The following SEMA6D variants were observed in gnomAD, a reference collection of about 807,000 sequenced individuals.
SEMA6D encodes the protein semaphorin-6D.
Under a neutral mutation model 106.6 loss-of-function variants are expected in SEMA6D, and 35 were observed. The observed-to-expected ratio is 0.33, with a 90% CI of 0.25 to 0.44. The LOEUF (loss-of-function observed/expected upper bound fraction) is 0.44. SEMA6D is among the 20% of genes least tolerant of loss of function. SEMA6D has a pLI of 1.00. For synonymous variants in SEMA6D, 499 were observed against 487.7 expected, an observed-to-expected ratio of 1.02 and a Z score of -0.31; for missense variants, 1,185 against 1,345.9, an observed-to-expected ratio of 0.88 and a Z score of 1.87.
chr15:47,434,509 T>C (rs1456907480), intron 2 of SEMA6D, among the ~76,000 whole-genome samples: 1 of 152,110 alleles, frequency 6.6e-6, no homozygotes, highest in Non-Finnish European at 1.5e-5. Context: ...AGTTTTCTGC[T>C]GTTTTCCTTA....
At chr15:47,574,691 G>A (rs2076125708) in intron 3 of SEMA6D, among the ~76,000 whole-genome samples, 1 of 152,064 alleles carries the variant, frequency 6.6e-6, no homozygotes, top group African/African-American at 2.4e-5. Flanking sequence ...CTACTTATTT[G>A]TGCCATAATA....
At chr15:47,738,454 A>T (rs924954953) in intron 1 of SEMA6D, among the ~76,000 whole-genome samples, 1 of 152,204 alleles carries the variant, frequency 6.6e-6, no homozygotes, top group Non-Finnish European at 1.5e-5. Flanking sequence ...AGTACTAAGA[A>T]GCCTGACTTT....
intron 4 of SEMA6D, among the ~76,000 whole-genome samples, chr15:47,680,859 T>C (rs1203044331): frequency 6.6e-6 from 1 of 152,124 alleles, no homozygotes; most frequent in Non-Finnish European, 1.5e-5. Flanking sequence ...CACTAATAAT[T>C]GGGGAAATGC....
intron 3 of SEMA6D, among the ~76,000 whole-genome samples, chr15:47,513,880 G>C (rs891639600): frequency 1.3e-5 from 2 of 152,168 alleles, no homozygotes; most frequent in African/African-American, 4.8e-5. Context: ...ATAAATGTTT[G>C]TTCTGCCACC....
chr15:47,575,515 C>G (rs919672893), intron 3 of SEMA6D, among the ~76,000 whole-genome samples: 6 of 152,036 alleles, frequency 3.9e-5, no homozygotes, highest in African/African-American at 1.5e-4. Flanking sequence ...GTCAGGAGAT[C>G]GAGACCATCC....
At chr15:47,670,282 A>T (rs2078113036) in intron 4 of SEMA6D, among the ~76,000 whole-genome samples, 1 of 152,186 alleles carries the variant, frequency 6.6e-6, no homozygotes, top group African/African-American at 2.4e-5. Flanking sequence ...ATGAATAGTA[A>T]TGTGTTCTTC....
intron 1 of SEMA6D, among the ~76,000 whole-genome samples, chr15:47,411,081 T>C (rs914933860): frequency 6.6e-6 from 1 of 152,024 alleles, no homozygotes; most frequent in East Asian, 1.9e-4. Flanking sequence ...AGATGATTCC[T>C]TAGCTGAGTT....
intron 4 of SEMA6D, among the ~76,000 whole-genome samples, chr15:47,705,198 G>A (rs2078891060): frequency 6.6e-6 from 1 of 152,058 alleles, no homozygotes; most frequent in Non-Finnish European, 1.5e-5. Context: ...GGAGAGAGGG[G>A]GACACTAACT....
intron 1 of SEMA6D, among the ~76,000 whole-genome samples, chr15:47,288,138 A>G (rs1484381430): frequency 6.6e-6 from 1 of 152,222 alleles, no homozygotes; most frequent in Non-Finnish European, 1.5e-5. Context: ...TGATCCAAAC[A>G]CTTTTACATT....
chr15:47,209,258 A>G (rs1895322241), intron 1 of SEMA6D, among the ~76,000 whole-genome samples: 1 of 152,198 alleles, frequency 6.6e-6, no homozygotes. Context: ...TTCTTTTTTT[A>G]TCTACTTAGA....
At chr15:47,207,505 A>G (rs1895153511) in intron 1 of SEMA6D, among the ~76,000 whole-genome samples, 1 of 152,212 alleles carries the variant, frequency 6.6e-6, no homozygotes, top group Non-Finnish European at 1.5e-5. Flanking sequence ...GTAAATATTA[A>G]CTGAGAACCT....
intron 1 of SEMA6D, among the ~76,000 whole-genome samples, chr15:47,361,268 C>T (rs1214600781): frequency 2.0e-5 from 3 of 152,162 alleles, no homozygotes; most frequent in Non-Finnish European, 4.4e-5. Flanking sequence ...CTGATAACGC[C>T]ATGGTTTCAT....
chr15:47,767,314 G>A, intron 17 of SEMA6D: 1 of 395,172 alleles, frequency 2.5e-6, no homozygotes. Flanking sequence ...CATCCTTTAA[G>A]AAAATTCAAA....
At chr15:47,351,855 A>G (rs1265108371) in intron 1 of SEMA6D, among the ~76,000 whole-genome samples, 1 of 152,216 alleles carries the variant, frequency 6.6e-6, no homozygotes, top group African/African-American at 2.4e-5. Flanking sequence ...CTGATATGGA[A>G]GATTTCTTGA....
chr15:47,441,197 C>T (rs145034199), intron 2 of SEMA6D, among the ~76,000 whole-genome samples: 4 of 152,176 alleles, frequency 2.6e-5, no homozygotes, highest in Non-Finnish European at 5.9e-5. Flanking sequence ...ACCTGTCCTT[C>T]CAGACAAGTG....
chr15:47,405,646 G>C (rs150283384), intron 1 of SEMA6D, among the ~76,000 whole-genome samples: 3 of 152,062 alleles, frequency 2.0e-5, no homozygotes. Context: ...TCTGCTTCTC[G>C]TGTTGCCTGA....
At chr15:47,720,780 T>G (rs2079378514) in intron 1 of SEMA6D, among the ~76,000 whole-genome samples, 1 of 152,214 alleles carries the variant, frequency 6.6e-6, no homozygotes, top group South Asian at 2.1e-4. Flanking sequence ...AGCTTAGTCA[T>G]TGTTCTTGCA....
chr15:47,278,689 A>G (rs957024705), intron 1 of SEMA6D, among the ~76,000 whole-genome samples: 1 of 151,834 alleles, frequency 6.6e-6, no homozygotes, highest in Non-Finnish European at 1.5e-5. Context: ...GTCCTTGCCC[A>G]TGCCTATGTC....
At chr15:47,644,195 T>C (rs1392825673) in intron 4 of SEMA6D, among the ~76,000 whole-genome samples, 1 of 152,192 alleles carries the variant, frequency 6.6e-6, no homozygotes, top group Non-Finnish European at 1.5e-5. Context: ...ATTTACTCCT[T>C]CAAATATCAT....
Sources: gnomAD v4.1 joint callset for allele counts (sites outside exome capture counted in the v4.1 genomes callset) on GRCh38, gnomAD v4.1.1 for gene constraint, MANE v1.5 for transcripts, NCBI Gene and HGNC (gene_info 2026-07-23, HGNC 2026-07-21) for gene names.